The following CHN2 variants were observed in gnomAD, a reference collection of about 807,000 sequenced individuals.
CHN2 encodes the protein beta-chimaerin.
A neutral mutation model predicts 56.3 loss-of-function variants in CHN2; 35 were observed. The ratio of observed to expected loss-of-function variants is 0.62; its 90% confidence interval spans 0.47 to 0.82. The LOEUF (loss-of-function observed/expected upper bound fraction) is 0.82, where lower values mean the gene tolerates loss of function less well. Ranked by LOEUF, CHN2 falls within the 40% of genes least tolerant of loss-of-function variation. CHN2 has a pLI of 0.00. For missense variants in CHN2, 491 were observed against 580.5 expected, an observed-to-expected ratio of 0.85 and a Z score of 1.58; for synonymous variants, 210 against 212.8, an observed-to-expected ratio of 0.99 and a Z score of 0.12.
intron 1 of CHN2, among the ~76,000 whole-genome samples, chr7:29,308,905 C>G (rs923390684): frequency 1.3e-5 from 2 of 152,098 alleles, no homozygotes; most frequent in Non-Finnish European, 2.9e-5. Flanking sequence ...TGTTCCTCTC[C>G]AAGACCAGAA....
At chr7:29,233,437 A>G (rs1315879577) in intron 1 of CHN2, among the ~76,000 whole-genome samples, 1 of 152,204 alleles carries the variant, frequency 6.6e-6, no homozygotes, top group East Asian at 1.9e-4. Flanking sequence ...GTGTGAAGTA[A>G]CAGTGGTAGG....
chr7:29,374,577 G>A (rs534140253), intron 3 of CHN2, among the ~76,000 whole-genome samples: 26 of 152,186 alleles, frequency 1.7e-4, no homozygotes, highest in East Asian at 5.8e-4. Flanking sequence ...GGTCATAAGC[G>A]CTTGGGTAAG....
chr7:29,261,350 T>G (rs1016511876), intron 1 of CHN2, among the ~76,000 whole-genome samples: 10 of 152,094 alleles, frequency 6.6e-5, no homozygotes, highest in South Asian at 2.1e-4. Context: ...GCTAGTACCT[T>G]CCACTTCATC....
At chr7:29,438,726 C>T (rs1434831687) in intron 6 of CHN2, among the ~76,000 whole-genome samples, 1 of 152,102 alleles carries the variant, frequency 6.6e-6, no homozygotes, top group East Asian at 1.9e-4. Context: ...TGATTTTTGT[C>T]CTGTTTTATT....
chr7:29,410,728 G>T (rs1246145420), intron 6 of CHN2, among the ~76,000 whole-genome samples: 1 of 152,070 alleles, frequency 6.6e-6, no homozygotes, highest in Admixed American at 6.6e-5. Flanking sequence ...AGGAGTTGAT[G>T]AAAAAGTTGA....
intron 1 of CHN2, among the ~76,000 whole-genome samples, chr7:29,242,073 A>G (rs1787727137): frequency 6.6e-6 from 1 of 152,144 alleles, no homozygotes; most frequent in Admixed American, 6.5e-5. Flanking sequence ...GCATTTGTAG[A>G]ACTCATTTAA....
intron 1 of CHN2, among the ~76,000 whole-genome samples, chr7:29,282,018 C>T (rs1355522490): frequency 1.3e-5 from 2 of 151,956 alleles, no homozygotes; most frequent in Admixed American, 1.3e-4. Context: ...GTTGACTCGG[C>T]AGTGGCGTGA....
chr7:29,436,724 T>C (rs558838376), intron 6 of CHN2, among the ~76,000 whole-genome samples: 4 of 152,196 alleles, frequency 2.6e-5, no homozygotes, highest in Admixed American at 6.5e-5. Flanking sequence ...ATCATGTGAA[T>C]ATAAACCAAC....
intron 1 of CHN2, among the ~76,000 whole-genome samples, chr7:29,286,393 A>G (rs1312334852): frequency 6.6e-6 from 1 of 151,490 alleles, no homozygotes; most frequent in Non-Finnish European, 1.5e-5. Flanking sequence ...AAAAGTCAGG[A>G]CAAGTTGCAT....
chr7:29,295,629 C>A (rs1050460091), intron 1 of CHN2, among the ~76,000 whole-genome samples: 4 of 151,928 alleles, frequency 2.6e-5, no homozygotes, highest in Non-Finnish European at 4.4e-5. Flanking sequence ...GTGAGGAAAT[C>A]GCTTTATGGT....
chr7:29,320,525 C>T (rs1035626967), intron 1 of CHN2, among the ~76,000 whole-genome samples: 7 of 152,112 alleles, frequency 4.6e-5, no homozygotes, highest in African/African-American at 7.2e-5. Context: ...GAGAGAAACC[C>T]GAGTAAATAT....
At chr7:29,430,799 A>G (rs1585367984) in intron 6 of CHN2, among the ~76,000 whole-genome samples, 1 of 97,116 alleles carries the variant, frequency 1.0e-5, no homozygotes, top group Admixed American at 1.0e-4. Context: ...CAAAAAAAAA[A>G]AAAAAAAAAA....
At chr7:29,332,516 A>G (rs183056292) in intron 1 of CHN2, among the ~76,000 whole-genome samples, 1 of 152,264 alleles carries the variant, frequency 6.6e-6, no homozygotes, top group African/African-American at 2.4e-5. Context: ...GATACGGCCT[A>G]AAATGCTCTC....
At chr7:29,273,370 T>C (rs1457457936) in intron 1 of CHN2, among the ~76,000 whole-genome samples, 1 of 49,664 alleles carries the variant, frequency 2.0e-5, no homozygotes, top group Non-Finnish European at 3.6e-5. Flanking sequence ...TATATATATA[T>C]ATATATATAT....
At chr7:29,422,249 C>T (rs535368173) in intron 6 of CHN2, among the ~76,000 whole-genome samples, 2 of 152,172 alleles carry the variant, frequency 1.3e-5, no homozygotes, top group South Asian at 2.1e-4. Context: ...GAAGGTTGGG[C>T]GTGGAACCTC....
chr7:29,200,187 C>T (rs1562825283), intron 1 of CHN2: 1 of 152,150 alleles, frequency 6.6e-6, no homozygotes, highest in Non-Finnish European at 1.5e-5. Context: ...TGATTAATAG[C>T]ATCCCCTATC....
At chr7:29,336,533 C>T (rs1200226578) in intron 1 of CHN2, among the ~76,000 whole-genome samples, 2 of 151,874 alleles carry the variant, frequency 1.3e-5, no homozygotes, top group Admixed American at 6.6e-5. Context: ...ATTTCTTGAG[C>T]CTAGGAGTTA....
intron 6 of CHN2, among the ~76,000 whole-genome samples, chr7:29,429,806 G>A (rs1160783348): frequency 6.6e-6 from 1 of 152,202 alleles, no homozygotes; most frequent in Non-Finnish European, 1.5e-5. Flanking sequence ...ATTTGGAAAT[G>A]TATCTAACAA....
chr7:29,221,289 A>G (rs989469705), intron 1 of CHN2, among the ~76,000 whole-genome samples: 1 of 152,248 alleles, frequency 6.6e-6, no homozygotes, highest in Non-Finnish European at 1.5e-5. Flanking sequence ...TACATAGAAA[A>G]TATAAAATTA....
Sources: allele counts gnomAD v4.1 joint callset (sites outside exome capture counted in the v4.1 genomes callset), GRCh38; gene constraint gnomAD v4.1.1; transcripts MANE v1.5; gene names NCBI Gene and HGNC (gene_info 2026-07-23, HGNC 2026-07-21).